Variants in AGBL1 observed in about 807,000 individuals in gnomAD.
AGBL1 encodes the protein AGBL carboxypeptidase 1.
Under a neutral mutation model 118.9 loss-of-function variants are expected in AGBL1, and 130 were observed. The observed-to-expected ratio is 1.09, with a 90% confidence interval of 0.95 to 1.26. The LOEUF is 1.26. Among genes scored for constraint, AGBL1 ranks in the 50% most tolerant of loss-of-function variants. The pLI, the probability that AGBL1 is intolerant of heterozygous loss-of-function variation, is 0.00. For synonymous variants in AGBL1, 555 were observed against 478.9 expected, an observed-to-expected ratio of 1.16 and a Z score of -2.08; for missense variants, 1,584 against 1,298.1, an observed-to-expected ratio of 1.22 and a Z score of -3.38.
At position 86,366,624 on chromosome 15, in the gene AGBL1, C is replaced by T. The variant is rs536248157; in HGVS notation, c.2375-30742C>T. On this transcript the variant is annotated intron_variant, in intron 17 of 22. Transcript: ENST00000614907. Reference sequence around the variant, plus strand: ...ACCCGTCTCTCCCAGACATCTTGCCCGTTCTTATTTGTTCAGTCTCTGAAC... The same window carrying T: ...ACCCGTCTCTCCCAGACATCTTGCCTGTTCTTATTTGTTCAGTCTCTGAAC... Among the ~76,000 whole-genome samples, 12 of 152,222 alleles carry T rather than the reference C, an allele frequency of 7.9e-5. No individual in the cohort carries two copies. In the East Asian group the frequency reaches 1.9e-3, roughly 25 times the overall value.
chr15:86,409,152 G>A (rs896673322), intron 18 of AGBL1, among the ~76,000 whole-genome samples: 4 of 152,154 alleles, frequency 2.6e-5, no homozygotes, highest in Non-Finnish European at 5.9e-5. Flanking sequence ...CATCCGCAAT[G>A]CGTCTTCAGA....
intron 1 of AGBL1, among the ~76,000 whole-genome samples, chr15:86,107,366 A>G (rs1460382873): frequency 6.6e-6 from 1 of 152,244 alleles, no homozygotes; most frequent in Non-Finnish European, 1.5e-5. Context: ...GTTCTACTGC[A>G]TATAAACTAT....
At chr15:86,904,839 CCT>C (rs1381438666) in intron 22 of AGBL1, among the ~76,000 whole-genome samples, 21 of 151,750 alleles carry the variant, frequency 1.4e-4, no homozygotes, top group African/African-American at 5.1e-4. Context: ...TATATATACC[CCT>C]GTTATATGTT....
chr15:86,443,126 G>A (rs2082084049), intron 18 of AGBL1, among the ~76,000 whole-genome samples: 1 of 152,130 alleles, frequency 6.6e-6, no homozygotes, highest in Non-Finnish European at 1.5e-5. Flanking sequence ...CACTGAGCCG[G>A]AGAAACCTAG....
chr15:86,951,442 A>G (rs2080879728), intron 23 of AGBL1, among the ~76,000 whole-genome samples: 1 of 152,232 alleles, frequency 6.6e-6, no homozygotes, highest in Admixed American at 6.5e-5. Context: ...ATGTTGATCC[A>G]AAAAATATGT....
intron 17 of AGBL1, chr15:86,295,999 C>G (rs1361061635): frequency 6.5e-6 from 1 of 153,446 alleles, no homozygotes; most frequent in Non-Finnish European, 1.5e-5. Context: ...AACATATACA[C>G]AGACGTGTAG....
chr15:86,915,357 C>T lies in AGBL1; in HGVS notation c.*8063C>T, dbSNP rs1322385987. On this transcript the variant is annotated 3_prime_UTR_variant, in exon 23 of 23. Coordinates refer to ENST00000614907, the MANE Select transcript of AGBL1 (RefSeq NM_001386094.1). ...TGCAGACAGGACCTAGTGCTTGAGC[C>T]TTTTCAGATCCAGCCACTACGTAAT... The T allele has an allele frequency of 6.6e-6, 1 of 152,208 alleles. No homozygotes were observed. Among genetic ancestry groups the T allele is most frequent in the Non-Finnish European group, 1.5e-5 (1 of 68,040 alleles). The allele number at this position is 152,208 out of a possible 1,614,324, so 9.4% of individuals were successfully genotyped here. A position where few individuals can be genotyped will look rare whatever the true frequency, so the allele number is the denominator to read the frequency against.
intron 16 of AGBL1, among the ~76,000 whole-genome samples, chr15:86,283,530 G>A (rs1251908958): frequency 2.0e-5 from 3 of 151,858 alleles, no homozygotes. Flanking sequence ...GAAGAAGAAA[G>A]AAAGAAAGAA....
chr15:86,868,910 C>A (rs1255290092), intron 22 of AGBL1, among the ~76,000 whole-genome samples: 2 of 152,158 alleles, frequency 1.3e-5, no homozygotes, highest in Non-Finnish European at 2.9e-5. Flanking sequence ...ACTGCCTGTG[C>A]TTTTAGTAGA....
intron 18 of AGBL1, among the ~76,000 whole-genome samples, chr15:86,514,846 A>G (rs2083099444): frequency 6.6e-6 from 1 of 152,134 alleles, no homozygotes; most frequent in Non-Finnish European, 1.5e-5. Context: ...ATTCTTAGCT[A>G]TGCTATTTTA....
At chr15:86,447,177 A>G (rs1192492570) in intron 18 of AGBL1, among the ~76,000 whole-genome samples, 1 of 152,198 alleles carries the variant, frequency 6.6e-6, no homozygotes, top group Non-Finnish European at 1.5e-5. Context: ...CCTTCTGTGT[A>G]TTTAATTTCC....
intron 18 of AGBL1, among the ~76,000 whole-genome samples, chr15:86,461,966 C>T (rs956385518): frequency 6.6e-6 from 1 of 152,180 alleles, no homozygotes; most frequent in African/African-American, 2.4e-5. Context: ...TACAACCCCT[C>T]CCTGCCTCAC....
chr15:86,256,891 TGTG>T lies in AGBL1; in HGVS notation c.778_780del (p.Val260del), dbSNP rs762919204. On this transcript the variant is annotated inframe_deletion, in exon 8 of 23. Coordinates refer to ENST00000614907, the MANE Select transcript of AGBL1 (RefSeq NM_001386094.1). ...ACAAGAGCATGGAGCCCGTCATCTC[TGTG>T]GTGCTTCAGATCCTGAGGCAGTGCT... 3 of 1,613,814 alleles carry T rather than the reference TGTG, an allele frequency of 1.9e-6. No individual in the cohort carries two copies. In the African/African-American group the frequency reaches 4.0e-5, roughly 22 times the overall value.
intron 1 of AGBL1, among the ~76,000 whole-genome samples, chr15:86,125,882 T>G (rs2141594225): frequency 6.6e-6 from 1 of 152,314 alleles, no homozygotes; most frequent in South Asian, 2.1e-4. Flanking sequence ...TCATTGAATA[T>G]CTCCTTAGTT....
chr15:86,357,761 A>T (rs2060060), intron 17 of AGBL1, among the ~76,000 whole-genome samples: 5 of 152,052 alleles, frequency 3.3e-5, no homozygotes, highest in African/African-American at 9.6e-5. Flanking sequence ...TTCCAATCTG[A>T]ATCTTTCCAT....
intron 21 of AGBL1, among the ~76,000 whole-genome samples, chr15:86,555,955 G>A (rs560593824): frequency 6.6e-6 from 1 of 152,228 alleles, no homozygotes; most frequent in Admixed American, 6.5e-5. Flanking sequence ...ATGGACATAG[G>A]TTTGTGTCTC....
chr15:86,249,271 C>T (rs1409332867), intron 7 of AGBL1, among the ~76,000 whole-genome samples: 1 of 152,172 alleles, frequency 6.6e-6, no homozygotes, highest in African/African-American at 2.4e-5. Flanking sequence ...TATCAGCCTT[C>T]TTGCTCTTCT....
intron 21 of AGBL1, among the ~76,000 whole-genome samples, chr15:86,570,859 C>T (rs2142309675): frequency 6.6e-6 from 1 of 152,322 alleles, no homozygotes; most frequent in South Asian, 2.1e-4. Flanking sequence ...CTCACTCGAC[C>T]TGGCAGGCTG....
At chr15:86,083,607 A>C (rs1373802471) in intron 1 of AGBL1, 1 of 152,214 alleles carries the variant, frequency 6.6e-6, no homozygotes, top group Non-Finnish European at 1.5e-5. Context: ...TCCTGTCTGG[A>C]GTAAGCCATG....
Sources: gnomAD v4.1 joint callset for allele counts (sites outside exome capture counted in the v4.1 genomes callset) on GRCh38, gnomAD v4.1.1 for gene constraint, MANE v1.5 for transcripts, NCBI Gene and HGNC (gene_info 2026-07-23, HGNC 2026-07-21) for gene names.